The following CALN1 variants were observed in gnomAD, a reference collection of about 807,000 sequenced individuals.
CALN1 encodes calcium-binding protein 8.
A neutral mutation model predicts 30.6 loss-of-function variants in CALN1; 17 were observed. The ratio of observed to expected loss-of-function variants is 0.56; its 90% CI spans 0.38 to 0.83. CALN1 has a LOEUF of 0.83. CALN1 is among the 40% of genes least tolerant of loss of function. The pLI is 0.00. For synonymous variants in CALN1, 156 were observed against 131.4 expected, an observed-to-expected ratio of 1.19 and a Z score of -1.28; for missense variants, 291 against 354.9, an observed-to-expected ratio of 0.82 and a Z score of 1.45.
At chr7:72,091,716 T>C (rs2129539818) in intron 4 of CALN1, among the ~76,000 whole-genome samples, 1 of 152,270 alleles carries the variant, frequency 6.6e-6, no homozygotes, top group East Asian at 1.9e-4. Flanking sequence ...TAATGAACAG[T>C]GGAGACTGTG....
intron 5 of CALN1, among the ~76,000 whole-genome samples, chr7:71,832,086 T>C (rs764836099): frequency 6.6e-6 from 1 of 152,114 alleles, no homozygotes; most frequent in Non-Finnish European, 1.5e-5. Context: ...GTCCAATTCA[T>C]AATTCTCCCT....
At chr7:72,278,052 G>A (rs201675304) in intron 3 of CALN1, among the ~76,000 whole-genome samples, 1 of 66,594 alleles carries the variant, frequency 1.5e-5, no homozygotes, top group African/African-American at 3.9e-5. Context: ...TAGAGGATTG[G>A]TTTATCCAAG....
At chr7:71,791,846 A>G (rs1213444716) in intron 6 of CALN1, among the ~76,000 whole-genome samples, 1 of 152,096 alleles carries the variant, frequency 6.6e-6, no homozygotes, top group Admixed American at 6.5e-5. Context: ...TGTCTCTACT[A>G]AAACATAGAA....
At chr7:72,095,770 CGCCAGTAACCCAAGCACT>C (rs1486715675) in intron 4 of CALN1, among the ~76,000 whole-genome samples, 14 of 152,156 alleles carry the variant, frequency 9.2e-5, no homozygotes, top group African/African-American at 3.4e-4. Context: ...TGGTAGCTCA[CGCCAGTAACCCAAGCACT>C]TTGGGAGGCC....
intron 5 of CALN1, among the ~76,000 whole-genome samples, chr7:71,872,100 C>A (rs1377602597): frequency 6.6e-6 from 1 of 152,192 alleles, no homozygotes; most frequent in Admixed American, 6.5e-5. Flanking sequence ...TAGCTCAGGG[C>A]TACTGTGTTG....
chr7:72,255,624 C>T (rs1034169698), intron 3 of CALN1, among the ~76,000 whole-genome samples: 6 of 150,978 alleles, frequency 4.0e-5, no homozygotes, highest in Non-Finnish European at 7.4e-5. Context: ...CCACATAGGC[C>T]AGGCTGGTCT....
intron 3 of CALN1, among the ~76,000 whole-genome samples, chr7:72,133,589 C>T (rs997672316): frequency 1.3e-5 from 2 of 152,088 alleles, no homozygotes; most frequent in African/African-American, 4.8e-5. Flanking sequence ...AAAAGTTTGA[C>T]GATTATGGAT....
intron 2 of CALN1, among the ~76,000 whole-genome samples, chr7:72,351,166 T>G (rs1237234271): frequency 6.6e-6 from 1 of 152,108 alleles, no homozygotes; most frequent in Non-Finnish European, 1.5e-5. Flanking sequence ...TTTTTAATTT[T>G]AAAAAATAAA....
intron 3 of CALN1, among the ~76,000 whole-genome samples, chr7:72,231,063 C>CT (rs1794064157): frequency 6.6e-6 from 1 of 152,108 alleles, no homozygotes; most frequent in Non-Finnish European, 1.5e-5. Flanking sequence ...CACTACCAGT[C>CT]TGTCAGTCAC....
At chr7:72,469,068 A>G in the CALN1 span, among the ~76,000 whole-genome samples, 1 of 152,132 alleles carries the variant, frequency 6.6e-6, no homozygotes, top group African/African-American at 2.4e-5. Flanking sequence ...GATAAAGTTG[A>G]ATGTTTCTAT....
At chr7:72,054,528 CAT>C (rs1311863020) in intron 4 of CALN1, among the ~76,000 whole-genome samples, 2 of 55,768 alleles carry the variant, frequency 3.6e-5, no homozygotes, top group African/African-American at 1.5e-4. Flanking sequence ...TACATATATA[CAT>C]ACATATATAT....
intron 1 of CALN1, among the ~76,000 whole-genome samples, chr7:72,427,778 G>T (rs1365893324): frequency 1.3e-5 from 2 of 151,970 alleles, no homozygotes; most frequent in East Asian, 3.8e-4. Flanking sequence ...ACGGTGCTGG[G>T]CTGCAGAGTG....
At chr7:72,132,962 C>T (rs973760512) in intron 3 of CALN1, among the ~76,000 whole-genome samples, 25 of 151,984 alleles carry the variant, frequency 1.6e-4, no homozygotes, top group Admixed American at 1.0e-3. Context: ...CTCATAGGAG[C>T]GGGTACCCTA....
At chr7:72,308,972 T>C (rs920418342) in intron 2 of CALN1, among the ~76,000 whole-genome samples, 4 of 152,162 alleles carry the variant, frequency 2.6e-5, no homozygotes, top group Non-Finnish European at 5.9e-5. Flanking sequence ...TGCTAGGCAA[T>C]TCTAGGCAAT....
intron 5 of CALN1, among the ~76,000 whole-genome samples, chr7:71,816,726 G>T (rs1011535624): frequency 3.9e-5 from 6 of 152,100 alleles, no homozygotes; most frequent in African/African-American, 1.4e-4. Context: ...GAGGTGGGCA[G>T]ATCACGAGGT....
chr7:72,205,564 ATATG>A lies in CALN1; in HGVS notation c.244+73118_244+73121del, dbSNP rs1462564985. ...TTGCAAAAAAAAAATATATATATAT[ATATG>A]TATATATATATATATATATTCAGGA... On this transcript the variant is annotated intron_variant, in intron 3 of 6. Coordinates refer to ENST00000395275, the MANE Select transcript of CALN1 (RefSeq NM_031468.4). 8.4e-4 allele frequency among the ~76,000 whole-genome samples: 99 copies of A among 118,536 alleles called. 8 individuals carry two copies. The South Asian group carries it at 0.012, about 14-fold the overall frequency. 77.8% of individuals were successfully genotyped at this position (118,536 alleles called of 152,430 possible).
Position 72,409,812 on chromosome 7 carries a change from C to G in CALN1, c.-74+2246G>C, listed in dbSNP as rs541099437. 2.6e-5 allele frequency among the ~76,000 whole-genome samples: 4 copies of G among 152,188 alleles called. No homozygotes were observed. In the South Asian group the frequency reaches 8.3e-4, roughly 32 times the overall value. On this transcript the variant is annotated intron_variant, in intron 1 of 6. Coordinates refer to ENST00000395275, the MANE Select transcript of CALN1 (RefSeq NM_031468.4). ...CCCAATTCAAAGAATCACCAAGGAACGTTCCCTCCCTTTTAACCACGTTGG... is the reference window on the plus strand; with the variant it reads ...CCCAATTCAAAGAATCACCAAGGAAGGTTCCCTCCCTTTTAACCACGTTGG...
intron 3 of CALN1, among the ~76,000 whole-genome samples, chr7:72,254,725 C>A (rs1795797812): frequency 6.6e-6 from 1 of 152,026 alleles, no homozygotes; most frequent in Non-Finnish European, 1.5e-5. Flanking sequence ...GCCATTAGCA[C>A]TTACCTTCAC....
chr7:72,105,903 A>T, intron 4 of CALN1, among the ~76,000 whole-genome samples: 1 of 150,660 alleles, frequency 6.6e-6, no homozygotes, highest in Non-Finnish European at 1.5e-5. Context: ...AAAAAACAAG[A>T]TGCTGTAACT....
Sources: gnomAD v4.1 joint callset for allele counts (sites outside exome capture counted in the v4.1 genomes callset) on GRCh38, gnomAD v4.1.1 for gene constraint, MANE v1.5 for transcripts, NCBI Gene and HGNC (gene_info 2026-07-23, HGNC 2026-07-21) for gene names.